The following CENPE variants were observed in gnomAD, a reference collection of about 807,000 sequenced individuals.
CENPE encodes the protein centromere-associated protein E.
CENPE carries 145 observed loss-of-function variants against 336.1 expected under a neutral mutation model. That is an observed-to-expected ratio of 0.43 (90% CI 0.38 to 0.50). CENPE has a LOEUF of 0.50. CENPE is among the 20% of genes least tolerant of loss of function. CENPE has a pLI of 0.00. For missense variants in CENPE, 2,719 were observed against 3,023.3 expected (o/e 0.90, Z 2.36); for synonymous variants, 1,013 against 984.8 (o/e 1.03, Z -0.54).
Position 103,159,139 on chromosome 4 carries a change from G to T in CENPE, c.2472C>A (p.Thr824=), listed in dbSNP as rs1419619882. The change falls in exon 22 of 49, where the codon ACC becomes ACA. Residue 824 remains threonine (T), a synonymous_variant. Coordinates refer to ENST00000265148, the MANE Select transcript of CENPE (RefSeq NM_001813.3). ...ACTTTTGCTCAAAGTCCATATGAAG[G>T]GTTTTGAAATTTTGGAATTCTTGAT... is the stretch of plus-strand genomic sequence containing the variant. The part of the protein sequence containing the change: ...STDQEFQNFK[T]LHMDFEQKYK... 6.2e-7 allele frequency: 1 copy of T among 1,609,050 alleles called. No individual in the cohort carries two copies. Among genetic ancestry groups the T allele is most frequent in the Non-Finnish European group, 8.5e-7 (1 of 1,178,148 alleles).
At chr4:103,132,960 T>TTATACATATATATATATATATATA (rs1751726764) in intron 41 of CENPE, 64 bp from the exon 42 acceptor site, 2 of 144,286 alleles carry the variant, frequency 1.4e-5, no homozygotes, top group Admixed American at 8.7e-5. Context: ...AATATTTTAT[T>TTATACATATATATATATATATATA]TATATATATA....
chr4:103,150,822 A>G (rs542837592), intron 26 of CENPE, among the ~76,000 whole-genome samples: 1 of 152,346 alleles, frequency 6.6e-6, no homozygotes, highest in South Asian at 2.1e-4. Flanking sequence ...CAAACATCTA[A>G]GAGATGGTAA....
chr4:103,173,979 T>C (rs1755643729), intron 16 of CENPE, among the ~76,000 whole-genome samples: 1 of 151,876 alleles, frequency 6.6e-6, no homozygotes, highest in South Asian at 2.1e-4. Flanking sequence ...TACCATAAGA[T>C]CCAGCAGTCC....
intron 46 of CENPE, among the ~76,000 whole-genome samples, chr4:103,111,241 T>C (rs546102869): frequency 6.6e-6 from 1 of 152,214 alleles, no homozygotes; most frequent in South Asian, 2.1e-4. Context: ...CACTAACATA[T>C]CCTGATCCTG....
At chr4:103,144,085 C>A (rs1045929582) in intron 33 of CENPE, among the ~76,000 whole-genome samples, 9 of 152,042 alleles carry the variant, frequency 5.9e-5, no homozygotes, top group Non-Finnish European at 1.2e-4. Flanking sequence ...TACAGGCGCC[C>A]ACCACCACGC....
intron 42 of CENPE, among the ~76,000 whole-genome samples, chr4:103,125,006 A>C (rs949511845): frequency 6.6e-6 from 1 of 152,188 alleles, no homozygotes; most frequent in Non-Finnish European, 1.5e-5. Context: ...AAAAACAACA[A>C]ATTACAAATA....
intron 42 of CENPE, among the ~76,000 whole-genome samples, chr4:103,129,623 C>T (rs1394692673): frequency 6.6e-6 from 1 of 152,018 alleles, no homozygotes; most frequent in East Asian, 1.9e-4. Context: ...GTAATCCCAG[C>T]TGAGGCAGGA....
intron 9 of CENPE, 127 bp from the exon 10 acceptor site, chr4:103,183,415 G>A: frequency 1.6e-6 from 1 of 635,474 alleles, no homozygotes; most frequent in Non-Finnish European, 2.6e-6. Context: ...GTTTAGACAT[G>A]AGCCCATCTT....
chr4:103,106,094 C>G lies in CENPE; in HGVS notation c.*128G>C. 2.1e-6 allele frequency: 1 copy of G among 485,644 alleles called. No individual in the cohort carries two copies. The highest frequency in any genetic ancestry group is 3.5e-6 in the Non-Finnish European group (1 of 286,746). 30.1% of individuals were successfully genotyped at this position (485,644 alleles called of 1,614,324 possible). On this transcript the variant is annotated 3_prime_UTR_variant, in exon 49 of 49. Transcript: ENST00000265148. ...TTTCCTGTTCCCTTATCTTTCAACT[C>G]TAGTGGCAAAGTAAAGACTGAATTG...
At position 103,195,968 on chromosome 4, in the gene CENPE, C is replaced by T; in HGVS notation, c.309G>A (p.Leu103=). 6.2e-7 allele frequency: 1 copy of T among 1,613,746 alleles called. No homozygotes were observed. Among genetic ancestry groups the T allele is most frequent in the Non-Finnish European group, 8.5e-7 (1 of 1,179,752 alleles). The change falls in exon 4 of 49, where the codon TTG becomes TTA. Residue 103 remains leucine (L), a synonymous_variant. Transcript: ENST00000265148. ...CATGAATTGCCCTGGGTATAACTCC[C>T]AAATGATCTTCTGAACCCATCATGG... ...TYTMMGSEDH[L]GVIPRAIHDI... is the part of the protein sequence containing the mutation.
At chr4:103,106,604 G>A (rs990311661) in intron 48 of CENPE, among the ~76,000 whole-genome samples, 4 of 152,090 alleles carry the variant, frequency 2.6e-5, no homozygotes, top group Non-Finnish European at 5.9e-5. Flanking sequence ...AATCAAACAC[G>A]GGCTGATTGA....
chr4:103,140,585 C>T (rs1752463596), intron 36 of CENPE, among the ~76,000 whole-genome samples, 171 bp from the exon 37 acceptor site: 1 of 152,108 alleles, frequency 6.6e-6, no homozygotes, highest in African/African-American at 2.4e-5. Flanking sequence ...GGTAGCCTCA[C>T]CCATAGCCTT....
chr4:103,188,160 C>T (rs1264639115), intron 8 of CENPE, among the ~76,000 whole-genome samples: 6 of 152,176 alleles, frequency 3.9e-5, no homozygotes, highest in Non-Finnish European at 8.8e-5. Flanking sequence ...CCTCAGAGAC[C>T]TACAAAGAGA....
chr4:103,189,365 T>G (rs976981815), intron 8 of CENPE, among the ~76,000 whole-genome samples: 3 of 152,136 alleles, frequency 2.0e-5, no homozygotes, highest in African/African-American at 7.2e-5. Flanking sequence ...CCAATACCCC[T>G]GATGAACATC....
chr4:103,181,348 GT>G lies in CENPE; in HGVS notation c.1071del (p.Lys357AsnfsTer3). On this transcript the variant is annotated frameshift_variant, in exon 12 of 49. Coordinates refer to ENST00000265148, the MANE Select transcript of CENPE (RefSeq NM_001813.3). LOFTEE classifies it high-confidence loss of function. ...TGATTCATACATACCTCCTCTAATT[GT>G]TTTTTAAGATCCATTATTTCTTTTC... is the stretch of plus-strand genomic sequence containing the variant. Reference protein sequence around the residue: ...RYRKEIMDLKKQLEEVSLETR... With the variant: ...RYRKEIMDLKXQLEEVSLETR... 1.3e-6 allele frequency: 2 copies of G among 1,532,998 alleles called. No individual in the cohort carries two copies. The highest frequency in any genetic ancestry group is 1.8e-6 in the Non-Finnish European group (2 of 1,130,942). 95.0% of individuals were successfully genotyped at this position (1,532,998 alleles called of 1,614,324 possible).
intron 25 of CENPE, 98 bp downstream of exon 25, chr4:103,152,949 C>T: frequency 1.2e-6 from 1 of 854,776 alleles, no homozygotes; most frequent in Non-Finnish European, 1.8e-6. Flanking sequence ...CCACCAGATA[C>T]ATTTATTGTA....
At chr4:103,142,088 C>T (rs530620524) in intron 34 of CENPE, among the ~76,000 whole-genome samples, 180 bp from the exon 35 acceptor site, 640 of 152,256 alleles carry the variant, frequency 4.2e-3, no homozygotes, top group Non-Finnish European at 6.5e-3. Flanking sequence ...CTTCTGCTTT[C>T]CAGAGGCAAA....
At position 103,158,425 on chromosome 4, in the gene CENPE, G is replaced by C. The variant is rs373497894; in HGVS notation, c.2908C>G (p.Leu970Val). 16 of 1,597,972 alleles carry C rather than the reference G, an allele frequency of 1.0e-5. No individual in the cohort carries two copies. The African/African-American group carries it at 1.6e-4, about 16-fold the overall frequency. Reference protein sequence around the residue: ...IDTQEQLRNALESLKQHQETI... With the variant: ...IDTQEQLRNAVESLKQHQETI... ...TCTTGATGTTGTTTCAGAGACTCAA[G>C]AGCATTTCGTAATTGTTCTTGAGTA... Residue 970 changes from leucine to valine, a missense_variant, in exon 24 of 49, where the codon CTT becomes GTT. By Grantham distance (32) the Leu-to-Val change is conservative (BLOSUM62 1). Around this residue, in one of 5 missense-constraint regions of CENPE, gnomAD observed 2,437 missense variants for 2,513.3 expected, o/e 0.97. Transcript: ENST00000265148.
intron 34 of CENPE, among the ~76,000 whole-genome samples, chr4:103,142,579 C>G (rs1174068007): frequency 6.6e-6 from 1 of 152,194 alleles, no homozygotes; most frequent in African/African-American, 2.4e-5. Flanking sequence ...AATCTTACAT[C>G]CTGAAGGTTT....
Sources: allele counts gnomAD v4.1 joint callset (sites outside exome capture counted in the v4.1 genomes callset), GRCh38; gene constraint gnomAD v4.1.1; regional missense constraint gnomAD v4.1.1; transcripts MANE v1.5; gene names NCBI Gene and HGNC (gene_info 2026-07-23, HGNC 2026-07-21).